FANCA: variants seen among roughly 807,000 people sequenced by gnomAD.
FANCA encodes the protein Fanconi anemia group A protein.
A neutral mutation model predicts 194.3 loss-of-function variants in FANCA; 236 were observed. The ratio of observed to expected loss-of-function variants is 1.21; its 90% CI spans 1.09 to 1.35. FANCA has a LOEUF of 1.35. Among genes scored for constraint, FANCA ranks in the 40% most tolerant of loss-of-function variants. The pLI is 0.00. For synonymous variants in FANCA, 1,014 were observed against 715.8 expected, an observed-to-expected ratio of 1.42 and a Z score of -6.65; for missense variants, 2,628 against 1,813.9, an observed-to-expected ratio of 1.45 and a Z score of -8.15.
chr16:89,755,031 G>C (rs545894455), intron 30 of FANCA, among the ~76,000 whole-genome samples: 1 of 152,258 alleles, frequency 6.6e-6, no homozygotes, highest in South Asian at 2.1e-4. Context: ...CAGTGCATAT[G>C]GACATACAGA....
At chr16:89,814,416 C>A (rs1330393974) in intron 3 of FANCA, 104 bp downstream of exon 3, 3 of 855,544 alleles carry the variant, frequency 3.5e-6, no homozygotes, top group African/African-American at 1.7e-5. Context: ...AGTGGAAACC[C>A]ATCGCCTGAG....
At chr16:89,798,396 G>A in intron 10 of FANCA, 1 of 1,057,814 alleles carries the variant, frequency 9.5e-7, no homozygotes, top group Non-Finnish European at 1.1e-6. Context: ...TTCAGTAAAA[G>A]TACCGAACGG....
rs139235751 is a variant in FANCA, at chr16:89,775,768, C to G, written c.1874G>C (p.Cys625Ser). ...TTCTGGCTTCTCTTCAGCAGCAGAG[C>G]AGGCCTGGCAGTAGGTGGAGTACAG... ...PSLYSTYCQA[C>S]SAAEEKPEDA... Residue 625 changes from cysteine to serine, a missense_variant, in exon 21 of 43, where the codon TGC (cysteine) becomes TCC (serine). Coordinates refer to ENST00000389301, the MANE Select transcript of FANCA (RefSeq NM_000135.4). 4,158 of 1,612,748 alleles carry G rather than the reference C, an allele frequency of 2.6e-3. 9 individuals are homozygous for G. Among genetic ancestry groups the G allele is most frequent in the Non-Finnish European group, 3.1e-3 (3,690 of 1,179,384 alleles).
In FANCA at chr16:89,801,733, C is replaced by G. The variant is rs138768769; in HGVS notation, c.792+1526G>C. ...TGAAACCTCACCTCTACTAAAAATACAAAAATTAGCTGGGCATGGTGGTGC... is the reference window on the plus strand; with the variant it reads ...TGAAACCTCACCTCTACTAAAAATAGAAAAATTAGCTGGGCATGGTGGTGC... On this transcript the variant is annotated intron_variant, in intron 8 of 42. Transcript: ENST00000389301. 9.2e-3 allele frequency among the ~76,000 whole-genome samples: 1,400 copies of G among 151,746 alleles called. 14 individuals carry two copies. The highest frequency in any genetic ancestry group is 0.041 in the Middle Eastern group (12 of 294).
chr16:89,743,069 G>A, intron 36 of FANCA, 131 bp from the exon 37 acceptor site: 1 of 1,093,966 alleles, frequency 9.1e-7, no homozygotes, highest in Non-Finnish European at 1.3e-6. Context: ...AGGGTTTCAG[G>A]ACCATCAGAA....
intron 39 of FANCA, 152 bp from the exon 40 acceptor site, chr16:89,739,705 C>G: frequency 4.6e-6 from 7 of 1,511,222 alleles, no homozygotes; most frequent in Non-Finnish European, 6.2e-6. Context: ...TACCCAGGTA[C>G]CTGTCAGCAG....
intron 30 of FANCA, 46 bp from the exon 31 acceptor site, chr16:89,752,268 T>A: frequency 6.6e-7 from 1 of 1,506,212 alleles, no homozygotes; most frequent in Non-Finnish European, 9.2e-7. Flanking sequence ...CGCCTAATAG[T>A]GCTGAAGTTC....
intron 10 of FANCA, among the ~76,000 whole-genome samples, chr16:89,797,338 T>G (rs56258985): frequency 2.3e-4 from 35 of 149,834 alleles, no homozygotes; most frequent in African/African-American, 7.1e-4. Flanking sequence ...CTCAAAAAAA[T>G]AAAGAAAGAA....
intron 14 of FANCA, among the ~76,000 whole-genome samples, chr16:89,788,493 C>T (rs2143503260): frequency 6.6e-6 from 1 of 151,996 alleles, no homozygotes. Context: ...TGCATATATA[C>T]ATTTATCAAA....
intron 28 of FANCA, chr16:89,762,737 T>C (rs1271205796): frequency 2.2e-6 from 1 of 452,152 alleles, no homozygotes; most frequent in Non-Finnish European, 4.4e-6. Context: ...AACTCCAGAA[T>C]TCTCCCCCTC....
intron 36 of FANCA, among the ~76,000 whole-genome samples, chr16:89,743,436 G>A (rs1230738977): frequency 6.6e-6 from 1 of 152,206 alleles, no homozygotes; most frequent in South Asian, 2.1e-4. Context: ...TGGGCATGAC[G>A]GTTCACATCT....
rs1306280287 is a variant in FANCA, at chr16:89,805,523, GCAAT to G, written c.597-135_597-132del. On this transcript the variant is annotated intron_variant, in intron 6 of 42. Transcript: ENST00000389301. ...GTCACTGAGGCTGGAGTGCAGTGGC[GCAAT>G]CAGTCACTGCACCCTCGACCTCCCA... 6 of 679,348 alleles carry G rather than the reference GCAAT, an allele frequency of 8.8e-6. No individual in the cohort carries two copies. In the East Asian group the frequency reaches 1.2e-4, roughly 13 times the overall value. The allele number at this position is 679,348 out of a possible 1,614,324, so 42.1% of individuals were successfully genotyped here. A position where few individuals can be genotyped will look rare whatever the true frequency, so the allele number is the denominator to read the frequency against.
At chr16:89,799,671 TA>T in intron 8 of FANCA, 33 bp from the exon 9 acceptor site, 1 of 1,561,494 alleles carries the variant, frequency 6.4e-7, no homozygotes, top group Non-Finnish European at 8.8e-7. Flanking sequence ...ACCATCTTGG[TA>T]ATCTTCTGTA....
At chr16:89,775,027 GA>G (rs1416007842) in intron 21 of FANCA, among the ~76,000 whole-genome samples, 1 of 151,804 alleles carries the variant, frequency 6.6e-6, no homozygotes, top group East Asian at 1.9e-4. Flanking sequence ...CCAGGGGGCA[GA>G]GGTTTCAGCG....
rs2143085816 is a variant in FANCA, at chr16:89,744,858, C to T, written c.3626+101G>A. On this transcript the variant is annotated intron_variant, in intron 36 of 42. Transcript: ENST00000389301. ...CCCTGCTCACACGAGAGGCTGCCCA[C>T]ACCGCTTCTCTCAAGCAAGCCAGGG... 4 of 1,086,322 alleles carry T rather than the reference C, an allele frequency of 3.7e-6. No homozygotes were observed. The East Asian group carries it at 7.7e-5, about 21-fold the overall frequency. The allele number at this position is 1,086,322 out of a possible 1,614,324, so 67.3% of individuals were successfully genotyped here. A position where few individuals can be genotyped will look rare whatever the true frequency, so the allele number is the denominator to read the frequency against.
At position 89,766,571 on chromosome 16, in the gene FANCA, C is replaced by T. The variant is rs545887151; in HGVS notation, c.2601+570G>A. ...CTAAAAAACATACAAAACAATTAGCCGGGTATGGTGGCACGTGCCTGTAAT... is the reference window on the plus strand; with the variant it reads ...CTAAAAAACATACAAAACAATTAGCTGGGTATGGTGGCACGTGCCTGTAAT... On this transcript the variant is annotated intron_variant, in intron 27 of 42. Transcript: ENST00000389301. Among the ~76,000 whole-genome samples the T allele has an allele frequency of 1.9e-4, 29 of 151,904 alleles. No individual in the cohort carries two copies. In the South Asian group the frequency reaches 5.4e-3, roughly 28 times the overall value.
At chr16:89,747,860 T>C (rs897278254) in intron 33 of FANCA, among the ~76,000 whole-genome samples, 72 of 152,188 alleles carry the variant, frequency 4.7e-4, no homozygotes, top group African/African-American at 1.6e-3. Context: ...CTGGTATCCG[T>C]CTCCCCAGCT....
At position 89,738,843 on chromosome 16, in the gene FANCA, T is replaced by C. The variant is rs754274108; in HGVS notation, c.4260+39A>G. 1.3e-5 allele frequency: 21 copies of C among 1,614,066 alleles called. No homozygotes were observed. The African/African-American group carries it at 1.9e-4, about 14-fold the overall frequency. ...TGGCCCAGGCAGCTGTCAATTCTCA[T>C]GTCCCCCACATGGCCCAAGGTGGGC... On this transcript the variant is annotated intron_variant, in intron 42 of 42. Coordinates refer to ENST00000389301, the MANE Select transcript of FANCA (RefSeq NM_000135.4).
intron 35 of FANCA, 118 bp downstream of exon 35, chr16:89,746,466 G>A (rs2038393536): frequency 4.9e-6 from 4 of 817,314 alleles, no homozygotes; most frequent in Non-Finnish European, 8.4e-6. Flanking sequence ...GTCTCCTGAT[G>A]CATTTTCCCT....
Sources: allele counts gnomAD v4.1 joint callset (sites outside exome capture counted in the v4.1 genomes callset), GRCh38; gene constraint gnomAD v4.1.1; transcripts MANE v1.5; gene names NCBI Gene and HGNC (gene_info 2026-07-23, HGNC 2026-07-21).